The following TMEM182 variants were observed in gnomAD, a reference collection of about 807,000 sequenced individuals.
TMEM182 encodes transmembrane protein 182.
Under a neutral mutation model 26.8 loss-of-function variants are expected in TMEM182, and 20 were observed. The ratio of observed to expected loss-of-function variants is 0.75; its 90% CI spans 0.53 to 1.09. TMEM182 has a LOEUF of 1.09. TMEM182 is among the 50% of genes least tolerant of loss of function. The pLI, the probability that TMEM182 is intolerant of heterozygous loss-of-function variation, is 0.00. For synonymous variants in TMEM182, 109 were observed against 102.2 expected (o/e 1.07, Z -0.40); for missense variants, 277 against 275.5 (o/e 1.01, Z -0.04).
chr2:102,780,991 C>T (rs1289779108), intron 3 of TMEM182, among the ~76,000 whole-genome samples: 1 of 152,160 alleles, frequency 6.6e-6, no homozygotes, highest in Non-Finnish European at 1.5e-5. Context: ...TACGAAAACT[C>T]AGGAAACTCA....
intron 3 of TMEM182, among the ~76,000 whole-genome samples, chr2:102,792,070 AC>A (rs1486510466): frequency 6.6e-6 from 1 of 150,772 alleles, no homozygotes; most frequent in Non-Finnish European, 1.5e-5. Context: ...ACACACACAC[AC>A]ATTTATAGCC....
In TMEM182 at chr2:102,814,857, T is replaced by C. The variant is rs1266101669; in HGVS notation, c.579T>C (p.Pro193=). Residue 193 remains proline, a synonymous_variant, in exon 5 of 5, where the codon CCT becomes CCC. Transcript: ENST00000412401. ...TGAAGGACTGCCTGGATTTCACCCCTTCTGTTCTGTATGGCTGGTCATTTT... is the reference window on the plus strand; with the variant it reads ...TGAAGGACTGCCTGGATTTCACCCCCTCTGTTCTGTATGGCTGGTCATTTT... ...MKMKDCLDFT[P]SVLYGWSFFL... 16 of 1,613,960 alleles carry C rather than the reference T, an allele frequency of 9.9e-6. No homozygotes were observed. Among genetic ancestry groups the C allele is most frequent in the Non-Finnish European group, 1.3e-5 (15 of 1,179,964 alleles).
In TMEM182 at chr2:102,814,878, A is replaced by G. The variant is rs754811546; in HGVS notation, c.600A>G (p.Ser200=). The part of the protein sequence containing the change: ...DFTPSVLYGW[S]FFLAPAGIFF... ...CCCCTTCTGTTCTGTATGGCTGGTCATTTTTCCTGGCCCCAGCTGGGATAT... is the reference window on the plus strand; with the variant it reads ...CCCCTTCTGTTCTGTATGGCTGGTCGTTTTTCCTGGCCCCAGCTGGGATAT... Residue 200 remains serine, a synonymous_variant, in exon 5 of 5, where the codon TCA becomes TCG. Transcript: ENST00000412401. 3 of 1,613,780 alleles carry G rather than the reference A, an allele frequency of 1.9e-6. No homozygotes were observed. The highest frequency in any genetic ancestry group is 3.3e-5 in the Admixed American group (2 of 59,940).
At position 102,817,422 on chromosome 2, in the gene TMEM182, C is replaced by T; in HGVS notation, c.*2454C>T. ...TGCTCTTGGACTTGGTGAAAGCTAT[C>T]ATCTCTCCATATTGTATTTGTTCAG... On this transcript the variant is annotated 3_prime_UTR_variant, in exon 5 of 5. Transcript: ENST00000412401. 1.0e-6 allele frequency: 1 copy of T among 985,380 alleles called. No individual in the cohort carries two copies. The highest frequency in any genetic ancestry group is 1.2e-6 in the Non-Finnish European group (1 of 829,918). 61.0% of individuals were successfully genotyped at this position (985,380 alleles called of 1,614,324 possible).
Position 102,771,583 on chromosome 2 carries a change from C to T in TMEM182, c.331+7156C>T, listed in dbSNP as rs144402182. Among the ~76,000 whole-genome samples the T allele has an allele frequency of 7.2e-5, 11 of 152,304 alleles. No homozygotes were observed. The East Asian group carries it at 7.7e-4, about 11-fold the overall frequency. ...GGCAGTTTATGTAATATCCCTGCAA[C>T]GATGAGAGGCAATCGCTTTCTGAAA... On this transcript the variant is annotated intron_variant, in intron 3 of 4. Transcript: ENST00000412401.
At chr2:102,824,058 T>G (rs1682981817) in intron 3 of TMEM182, among the ~76,000 whole-genome samples, 1 of 152,212 alleles carries the variant, frequency 6.6e-6, no homozygotes, top group Admixed American at 6.5e-5. Context: ...GTTTTAAAAA[T>G]GGGCTCCATT....
At chr2:102,831,032 G>A (rs566719477) in intron 3 of TMEM182, among the ~76,000 whole-genome samples, 15 of 152,148 alleles carry the variant, frequency 9.9e-5, no homozygotes, top group Non-Finnish European at 2.2e-4. Context: ...GGAAATGACT[G>A]GATCTTATTC....
intron 3 of TMEM182, among the ~76,000 whole-genome samples, chr2:102,825,075 T>G (rs1683006864): frequency 1.3e-5 from 2 of 152,236 alleles, no homozygotes; most frequent in South Asian, 2.1e-4. Context: ...TATTTTATGT[T>G]GTTTTAATCA....
chr2:102,813,450 T>C (rs1298327003), intron 4 of TMEM182, among the ~76,000 whole-genome samples: 1 of 152,236 alleles, frequency 6.6e-6, no homozygotes. Flanking sequence ...TACCTAACAG[T>C]TCAACTCATT....
intron 3 of TMEM182, among the ~76,000 whole-genome samples, chr2:102,833,009 G>A (rs1683179959): frequency 6.6e-6 from 1 of 152,080 alleles, no homozygotes; most frequent in Non-Finnish European, 1.5e-5. Flanking sequence ...AATTATGACA[G>A]CAGTCTTTAT....
At chr2:102,769,345 G>A (rs1202567715) in intron 3 of TMEM182, among the ~76,000 whole-genome samples, 2 of 152,148 alleles carry the variant, frequency 1.3e-5, no homozygotes, top group South Asian at 2.1e-4. Flanking sequence ...TGTAAAATTG[G>A]TAGCCAAACA....
intron 1 of TMEM182, among the ~76,000 whole-genome samples, chr2:102,745,940 A>G (rs1558749947): frequency 3.3e-5 from 5 of 152,156 alleles, no homozygotes; most frequent in Admixed American, 3.3e-4. Context: ...TGATGGTAAC[A>G]TATGTTTTTA....
rs377063389 is a variant in TMEM182, at chr2:102,815,340, T to TA, written c.*380dup. 1.9e-4 allele frequency: 191 copies of TA among 997,710 alleles called. No individual in the cohort carries two copies. Among genetic ancestry groups the TA allele is most frequent in the African/African-American group, 2.4e-4 (14 of 57,640 alleles). The allele number at this position is 997,710 out of a possible 1,614,324, so 61.8% of individuals were successfully genotyped here. A position where few individuals can be genotyped will look rare whatever the true frequency, so the allele number is the denominator to read the frequency against. The stretch of plus-strand genomic sequence containing the variant: ...CTCCTTGGCATTCACTTCTGCTAAT[T>TA]AAAAAAAATCCTTGAAGAATAATTA... On this transcript the variant is annotated 3_prime_UTR_variant, in exon 5 of 5. Transcript: ENST00000412401.
intron 1 of TMEM182, among the ~76,000 whole-genome samples, chr2:102,739,973 C>T (rs1398374814): frequency 6.6e-6 from 1 of 152,010 alleles, no homozygotes; most frequent in African/African-American, 2.4e-5. Context: ...TTAGTTCTTA[C>T]TTGGGGTGAA....
chr2:102,826,790 A>G (rs1173717676), intron 3 of TMEM182, among the ~76,000 whole-genome samples: 1 of 152,030 alleles, frequency 6.6e-6, no homozygotes. Context: ...AGCTGGGAAA[A>G]CTTGAGGGAG....
At chr2:102,785,106 A>G (rs1234325510) in intron 3 of TMEM182, among the ~76,000 whole-genome samples, 1 of 152,152 alleles carries the variant, frequency 6.6e-6, no homozygotes, top group African/African-American at 2.4e-5. Context: ...CCACTGAAAA[A>G]TGAGCACATC....
chr2:102,809,673 A>G (rs1202387971), intron 4 of TMEM182, among the ~76,000 whole-genome samples: 2 of 152,202 alleles, frequency 1.3e-5, no homozygotes, highest in Admixed American at 1.3e-4. Flanking sequence ...AGTGACAGCA[A>G]TCCTCATTTC....
At chr2:102,757,800 G>A (rs1680089568), upstream of TMEM182, among the ~76,000 whole-genome samples, 1 of 152,158 alleles carries the variant, frequency 6.6e-6, no homozygotes, top group South Asian at 2.1e-4. Flanking sequence ...GGCTTAACAG[G>A]AAACATGACT....
intron 3 of TMEM182, among the ~76,000 whole-genome samples, chr2:102,826,831 T>C (rs1683040084): frequency 6.6e-6 from 1 of 152,094 alleles, no homozygotes; most frequent in Non-Finnish European, 1.5e-5. Context: ...ATGTCCCTTT[T>C]GGAGAAAACA....
Sources: allele counts gnomAD v4.1 joint callset (sites outside exome capture counted in the v4.1 genomes callset), GRCh38; gene constraint gnomAD v4.1.1; transcripts MANE v1.5; gene names NCBI Gene and HGNC (gene_info 2026-07-23, HGNC 2026-07-21).